Variants in PTPN4 observed in about 807,000 individuals in gnomAD.
PTPN4 encodes the protein protein tyrosine phosphatase non-receptor type 4, also known as tyrosine-protein phosphatase non-receptor type 4.
A neutral mutation model predicts 135.5 loss-of-function variants in PTPN4; 49 were observed. The observed-to-expected ratio is 0.36, with a 90% CI of 0.29 to 0.46. The LOEUF (loss-of-function observed/expected upper bound fraction) is 0.46, where lower values mean the gene tolerates loss of function less well. Among genes scored for constraint, PTPN4 ranks in the 20% least tolerant of loss-of-function variants. The pLI, the probability that PTPN4 is intolerant of heterozygous loss-of-function variation, is 1.00. For missense variants in PTPN4, 860 were observed against 1,101.0 expected (o/e 0.78, Z 3.10); for synonymous variants, 333 against 369.9 (o/e 0.90, Z 1.14).
rs70949378 is a variant in PTPN4 at position 119,973,655 on chromosome 2, G to GTTTTTTT, written c.2695-3308_2695-3302dup. Among the ~76,000 whole-genome samples the GTTTTTTT allele has an allele frequency of 2.2e-3, 83 of 38,378 alleles. 19 individuals carry two copies. The highest frequency in any genetic ancestry group is 7.7e-3 in the East Asian group (7 of 910). 25.2% of individuals were successfully genotyped at this position (38,378 alleles called of 152,430 possible). ...TTGAAAGCTTCCTCCTTCATTTCTT[G>GTTTTTTT]TTTTTTTTTTTTTTTTTTTTTTTTT... is the stretch of plus-strand genomic sequence containing the variant. On this transcript the variant is annotated intron_variant, in intron 26 of 26. Transcript: ENST00000263708.
In PTPN4 at chr2:119,932,479, A is replaced by C. The variant is rs149038648; in HGVS notation, c.1126A>C (p.Asn376His). ...KLMDWEVVSR[N>H]SISDDRLETQ... ...AATGGATTGGGAAGTAGTAAGCAGA[A>C]ATTCAATATCTGATGACAGGTTAGA... is the stretch of plus-strand genomic sequence containing the variant. The change falls in exon 14 of 27, where the codon AAT becomes CAT. Residue 376 changes from asparagine to histidine, a missense_variant. Around this residue, in one of 2 missense-constraint regions of PTPN4, gnomAD observed 684 missense variants for 807.0 expected, o/e 0.85. Transcript: ENST00000263708. 115 of 1,611,500 alleles carry C rather than the reference A, an allele frequency of 7.1e-5. No individual in the cohort carries two copies. Among genetic ancestry groups the C allele is most frequent in the Non-Finnish European group, 9.1e-5 (107 of 1,177,804 alleles).
chr2:119,976,873 T>C, intron 26 of PTPN4, 111 bp from the exon 27 acceptor site: 1 of 1,485,874 alleles, frequency 6.7e-7, no homozygotes, highest in Non-Finnish European at 8.9e-7. Context: ...CAGTTTTGTT[T>C]TGCATTTTTT....
At chr2:119,775,262 C>T (rs1031065754) in intron 1 of PTPN4, among the ~76,000 whole-genome samples, 1 of 152,104 alleles carries the variant, frequency 6.6e-6, no homozygotes, top group Non-Finnish European at 1.5e-5. Context: ...AAGCTGCTAA[C>T]CCCCGAGCCT....
At position 119,759,941 on chromosome 2, in the gene PTPN4, C is replaced by G. The variant is rs1690445615; in HGVS notation, c.-461C>G. On this transcript the variant is annotated 5_prime_UTR_variant, in exon 1 of 27. Coordinates refer to ENST00000263708, the MANE Select transcript of PTPN4 (RefSeq NM_002830.4). ...CTGCCCAGGATTACCCGCCAGCTCA[C>G]GCCGCGCAGTGCGCTTTTCCGCTCC... 2.8e-6 allele frequency: 1 copy of G among 363,012 alleles called. No individual in the cohort carries two copies. The highest frequency in any genetic ancestry group is 1.5e-4 in the South Asian group (1 of 6,724). 22.5% of individuals were successfully genotyped at this position (363,012 alleles called of 1,614,324 possible).
chr2:119,843,033 A>G (rs1677405041), intron 2 of PTPN4, among the ~76,000 whole-genome samples: 1 of 152,220 alleles, frequency 6.6e-6, no homozygotes, highest in Admixed American at 6.5e-5. Flanking sequence ...AAAAGTTATC[A>G]CGAACGAATG....
chr2:119,762,589 C>T (rs190446866), intron 1 of PTPN4, among the ~76,000 whole-genome samples: 1 of 152,162 alleles, frequency 6.6e-6, no homozygotes, highest in African/African-American at 2.4e-5. Context: ...ATTGAGAGTA[C>T]TTCTGCCCCC....
At chr2:119,859,484 A>G (rs1446851719) in intron 2 of PTPN4, among the ~76,000 whole-genome samples, 1 of 152,218 alleles carries the variant, frequency 6.6e-6, no homozygotes, top group Non-Finnish European at 1.5e-5. Context: ...ATCCAGGATT[A>G]CATTTCAAGA....
At chr2:119,932,081 G>C (rs1244327712) in intron 13 of PTPN4, among the ~76,000 whole-genome samples, 2 of 152,214 alleles carry the variant, frequency 1.3e-5, no homozygotes, top group Non-Finnish European at 2.9e-5. Flanking sequence ...AATAGAAGTA[G>C]GTAGTATCTG....
At position 119,760,082 on chromosome 2, in the gene PTPN4, G is replaced by T; in HGVS notation, c.-320G>T. On this transcript the variant is annotated 5_prime_UTR_variant, in exon 1 of 27. Transcript: ENST00000263708. Reference sequence around the variant, plus strand: ...TTGGCCGCGGGGTCGGAGGATTGGGGCCAGGCCCCCTCCCCCACGCACTTT... The same window carrying T: ...TTGGCCGCGGGGTCGGAGGATTGGGTCCAGGCCCCCTCCCCCACGCACTTT... The T allele has an allele frequency of 2.6e-6, 1 of 385,096 alleles. No individual in the cohort carries two copies. The highest frequency in any genetic ancestry group is 4.6e-6 in the Non-Finnish European group (1 of 217,890). 23.9% of individuals were successfully genotyped at this position (385,096 alleles called of 1,614,324 possible). A position where few individuals can be genotyped will look rare whatever the true frequency, so the allele number is the denominator to read the frequency against.
intron 1 of PTPN4, among the ~76,000 whole-genome samples, chr2:119,805,095 T>C (rs908778864): frequency 3.9e-5 from 6 of 152,222 alleles, no homozygotes; most frequent in Non-Finnish European, 8.8e-5. Flanking sequence ...TTTTGAGAAG[T>C]GTCTGTTCAT....
rs570139678 is a variant in PTPN4 at position 119,851,039 on chromosome 2, G to C, written c.139-11497G>C. ...TTTTCTGTTTAAGTATCAGGCCAAT[G>C]CTGGTTTCATAGAGCAATTTGGGAA... On this transcript the variant is annotated intron_variant, in intron 2 of 26. Coordinates refer to ENST00000263708, the MANE Select transcript of PTPN4 (RefSeq NM_002830.4). Among the ~76,000 whole-genome samples, 30 of 152,308 alleles carry C rather than the reference G, an allele frequency of 2.0e-4. 1 individual carries two copies. The highest frequency in any genetic ancestry group is 1.7e-3 in the Admixed American group (26 of 15,292).
intron 10 of PTPN4, among the ~76,000 whole-genome samples, 173 bp from the exon 11 acceptor site, chr2:119,915,006 A>G (rs1322954459): frequency 1.3e-5 from 2 of 152,130 alleles, no homozygotes; most frequent in Admixed American, 6.5e-5. Flanking sequence ...CACAAATACT[A>G]ATTATTTTTT....
chr2:119,931,390 T>C (rs896325265), intron 13 of PTPN4, among the ~76,000 whole-genome samples: 1 of 151,726 alleles, frequency 6.6e-6, no homozygotes, highest in African/African-American at 2.4e-5. Flanking sequence ...TCAGTATCTT[T>C]TGATCTGAAT....
chr2:119,912,650 T>G (rs55658716), intron 10 of PTPN4, among the ~76,000 whole-genome samples: 40,693 of 152,002 alleles, frequency 0.27, 5,514 homozygotes, highest in South Asian at 0.33. Flanking sequence ...GTATGTTAAT[T>G]ATTATCGAAA....
intron 2 of PTPN4, among the ~76,000 whole-genome samples, chr2:119,812,187 T>A (rs986896119): frequency 1.3e-5 from 2 of 152,224 alleles, no homozygotes; most frequent in African/African-American, 4.8e-5. Context: ...TCCAGTTATG[T>A]ACTTTACAAC....
chr2:119,914,248 ATTTTTTTTTTT>A (rs55911315), intron 10 of PTPN4, among the ~76,000 whole-genome samples: 28,527 of 97,738 alleles, frequency 0.29, 2,988 homozygotes, highest in South Asian at 0.38. Context: ...TAGTTACTCA[ATTTTTTTTTTT>A]TTTTTTTTTT....
intron 2 of PTPN4, among the ~76,000 whole-genome samples, chr2:119,853,530 CT>C (rs1188021613): frequency 6.6e-6 from 1 of 152,034 alleles, no homozygotes; most frequent in Non-Finnish European, 1.5e-5. Flanking sequence ...CATTTTACCG[CT>C]TTGAGTACAT....
chr2:119,943,070 G>A (rs1200318351), intron 15 of PTPN4, among the ~76,000 whole-genome samples: 2 of 152,094 alleles, frequency 1.3e-5, no homozygotes, highest in African/African-American at 4.8e-5. Flanking sequence ...AGGCTAAGTG[G>A]GCATTGCTGT....
At chr2:119,766,793 T>C (rs958510372) in intron 1 of PTPN4, among the ~76,000 whole-genome samples, 1 of 151,930 alleles carries the variant, frequency 6.6e-6, no homozygotes, top group Non-Finnish European at 1.5e-5. Flanking sequence ...AATATAGATA[T>C]GAGATTAGAA....
Sources: allele counts gnomAD v4.1 joint callset (sites outside exome capture counted in the v4.1 genomes callset), GRCh38; gene constraint gnomAD v4.1.1; regional missense constraint gnomAD v4.1.1; transcripts MANE v1.5; gene names NCBI Gene and HGNC (gene_info 2026-07-23, HGNC 2026-07-21).